The following ANGPT1 variants were observed in gnomAD, a reference collection of about 807,000 sequenced individuals.
ANGPT1 encodes the protein angiopoietin 1, also known as angiopoietin-1.
A neutral mutation model predicts 62.2 loss-of-function variants in ANGPT1; 17 were observed. That is an observed-to-expected ratio of 0.27 (90% confidence interval 0.19 to 0.41). The LOEUF is 0.41. ANGPT1 is among the 10% of genes least tolerant of loss of function. The pLI is 1.00. For missense variants in ANGPT1, 478 were observed against 594.9 expected, an observed-to-expected ratio of 0.80 and a Z score of 2.04; for synonymous variants, 199 against 198.9, an observed-to-expected ratio of 1.00 and a Z score of 0.00.
chr8:107,494,174 C>T (rs1813034608), intron 1 of ANGPT1, among the ~76,000 whole-genome samples: 1 of 152,108 alleles, frequency 6.6e-6, no homozygotes. Context: ...TCTAAGGATT[C>T]CCCAAATCTT....
intron 7 of ANGPT1, among the ~76,000 whole-genome samples, chr8:107,276,074 C>T (rs764216916): frequency 7.2e-5 from 11 of 152,124 alleles, no homozygotes; most frequent in Non-Finnish European, 1.6e-4. Flanking sequence ...TAAGAATGTG[C>T]TCATCCGTGC....
chr8:107,362,946 G>T (rs754357685), intron 1 of ANGPT1, among the ~76,000 whole-genome samples: 10 of 152,118 alleles, frequency 6.6e-5, no homozygotes, highest in Admixed American at 2.0e-4. Flanking sequence ...GAGAATCTTT[G>T]CAATCTACAT....
intron 1 of ANGPT1, among the ~76,000 whole-genome samples, chr8:107,443,527 G>A (rs1013064263): frequency 3.3e-5 from 5 of 151,950 alleles, no homozygotes; most frequent in African/African-American, 9.7e-5. Context: ...CTAGTATACC[G>A]GCCGGGTGCG....
chr8:107,346,591 A>G (rs1815808863), intron 2 of ANGPT1, among the ~76,000 whole-genome samples: 1 of 152,198 alleles, frequency 6.6e-6, no homozygotes, highest in Non-Finnish European at 1.5e-5. Context: ...AGACAAAACA[A>G]AACAGGTCAA....
intron 3 of ANGPT1, among the ~76,000 whole-genome samples, chr8:107,325,439 T>G (rs933365120): frequency 2.0e-5 from 3 of 152,196 alleles, no homozygotes; most frequent in Non-Finnish European, 4.4e-5. Flanking sequence ...CATTACCTAT[T>G]AAACTGGCAA....
At chr8:107,459,148 G>A (rs1044137191) in intron 1 of ANGPT1, among the ~76,000 whole-genome samples, 30 of 152,006 alleles carry the variant, frequency 2.0e-4, no homozygotes, top group Non-Finnish European at 3.2e-4. Context: ...GTAACTTTTG[G>A]CTTCATTTTA....
chr8:107,310,909 A>ATG (rs977839510), intron 4 of ANGPT1, among the ~76,000 whole-genome samples: 22 of 151,158 alleles, frequency 1.5e-4, no homozygotes, highest in African/African-American at 3.9e-4. Context: ...GAGTGGGAAT[A>ATG]TGTGTGTGTG....
chr8:107,277,561 T>C (rs1813894638), intron 7 of ANGPT1, among the ~76,000 whole-genome samples: 1 of 152,174 alleles, frequency 6.6e-6, no homozygotes, highest in Non-Finnish European at 1.5e-5. Flanking sequence ...TATGATCCTT[T>C]GTAAGAATTT....
chr8:107,271,675 A>T (rs983593975), intron 7 of ANGPT1, among the ~76,000 whole-genome samples: 2 of 152,014 alleles, frequency 1.3e-5, no homozygotes, highest in African/African-American at 4.8e-5. Flanking sequence ...ATGAAGGACA[A>T]GAAACCAAAG....
Position 107,497,643 on chromosome 8 carries a change from AAAACTGCTTGTTTGTTTG to A in ANGPT1, c.-103_-86del. The A allele has an allele frequency of 7.3e-7, 1 of 1,376,386 alleles. No individual in the cohort carries two copies. The highest frequency in any genetic ancestry group is 9.7e-7 in the Non-Finnish European group (1 of 1,028,550). The allele number at this position is 1,376,386 out of a possible 1,614,324, so 85.3% of individuals were successfully genotyped here. A position where few individuals can be genotyped will look rare whatever the true frequency, so the allele number is the denominator to read the frequency against. Reference sequence around the variant, plus strand: ...CTAAAACTAGTTCTTTATTTCAGGTAAAACTGCTTGTTTGTTTGACTCTTTCCCCCTCAAAGAAAGCGT... The same window carrying A: ...CTAAAACTAGTTCTTTATTTCAGGTAACTCTTTCCCCCTCAAAGAAAGCGT... On this transcript the variant is annotated 5_prime_UTR_variant, in exon 1 of 9. Coordinates refer to ENST00000517746, the MANE Select transcript of ANGPT1 (RefSeq NM_001146.5).
intron 1 of ANGPT1, among the ~76,000 whole-genome samples, chr8:107,349,624 T>A (rs1164134882): frequency 6.6e-6 from 1 of 152,138 alleles, no homozygotes; most frequent in African/African-American, 2.4e-5. Flanking sequence ...AACTTCACAA[T>A]TATATATGTT....
chr8:107,419,708 G>A (rs1041417170), intron 1 of ANGPT1, among the ~76,000 whole-genome samples: 14 of 151,988 alleles, frequency 9.2e-5, no homozygotes, highest in African/African-American at 3.4e-4. Flanking sequence ...CAGAGACAAG[G>A]AGAGAGAGAC....
chr8:107,495,067 A>G (rs1244006896), intron 1 of ANGPT1: 1 of 152,208 alleles, frequency 6.6e-6, no homozygotes, highest in Admixed American at 6.5e-5. Flanking sequence ...GAATAAAAAT[A>G]TCACATGAAG....
chr8:107,282,492 T>G (rs1814033902), intron 7 of ANGPT1, among the ~76,000 whole-genome samples: 2 of 141,758 alleles, frequency 1.4e-5, no homozygotes, highest in Non-Finnish European at 1.5e-5. Flanking sequence ...GTGTGAGGCT[T>G]GAAGAGTTCA....
At chr8:107,427,427 C>T (rs948140849) in intron 1 of ANGPT1, among the ~76,000 whole-genome samples, 3 of 152,178 alleles carry the variant, frequency 2.0e-5, no homozygotes, top group African/African-American at 7.2e-5. Flanking sequence ...TGAACCTCAT[C>T]TGTCCTGCCC....
intron 4 of ANGPT1, among the ~76,000 whole-genome samples, chr8:107,315,642 C>CT (rs201830575): frequency 1.5e-3 from 228 of 151,948 alleles, no homozygotes; most frequent in African/African-American, 4.7e-3. Context: ...CTTTCGGTCT[C>CT]TTTTTTTTAA....
chr8:107,483,100 A>G (rs540789295), intron 1 of ANGPT1, among the ~76,000 whole-genome samples: 1 of 152,180 alleles, frequency 6.6e-6, no homozygotes, highest in Non-Finnish European at 1.5e-5. Flanking sequence ...TTTTGGCCAT[A>G]ATCTTCAAAA....
At chr8:107,490,790 G>C (rs1812935136) in intron 1 of ANGPT1, among the ~76,000 whole-genome samples, 1 of 152,184 alleles carries the variant, frequency 6.6e-6, no homozygotes, top group Non-Finnish European at 1.5e-5. Flanking sequence ...GTGTGGCTCT[G>C]TTCCAATAAA....
intron 6 of ANGPT1, 74 bp from the exon 7 acceptor site, chr8:107,284,922 C>T: frequency 1.8e-6 from 2 of 1,136,422 alleles, no homozygotes; most frequent in Non-Finnish European, 1.2e-6. Context: ...TAACTATTTT[C>T]TAAATAATAA....
Sources: gnomAD v4.1 joint callset for allele counts (sites outside exome capture counted in the v4.1 genomes callset) on GRCh38, gnomAD v4.1.1 for gene constraint, MANE v1.5 for transcripts, NCBI Gene and HGNC (gene_info 2026-07-23, HGNC 2026-07-21) for gene names.